Variants in CLMP observed in about 807,000 individuals in gnomAD.
CLMP encodes CXADR-like membrane protein.
In CLMP, 27 loss-of-function variants were observed where a neutral mutation model predicts 45.2. That is an observed-to-expected ratio of 0.60 (90% CI 0.44 to 0.82). The LOEUF (loss-of-function observed/expected upper bound fraction) is 0.82. Among genes scored for constraint, CLMP ranks in the 40% least tolerant of loss-of-function variants. The pLI is 0.00. For missense variants in CLMP, 403 were observed against 448.4 expected (o/e 0.90, Z 0.91); for synonymous variants, 167 against 171.4 (o/e 0.97, Z 0.20).
chr11:123,171,595 C>A (rs1475742893), intron 1 of CLMP, among the ~76,000 whole-genome samples: 2 of 151,978 alleles, frequency 1.3e-5, no homozygotes, highest in Non-Finnish European at 2.9e-5. Flanking sequence ...CAGGTGCGTG[C>A]CAACACAGCC....
chr11:123,160,336 A>G (rs991784321), intron 1 of CLMP, among the ~76,000 whole-genome samples: 2 of 151,746 alleles, frequency 1.3e-5, no homozygotes, highest in Non-Finnish European at 2.9e-5. Flanking sequence ...CAATAATCCA[A>G]TTATACCCTG....
intron 1 of CLMP, among the ~76,000 whole-genome samples, chr11:123,147,219 C>A (rs199675010): frequency 6.6e-6 from 1 of 152,090 alleles, no homozygotes; most frequent in African/African-American, 2.4e-5. Context: ...AACCTCATCT[C>A]GTGTAGCTGT....
chr11:123,140,837 T>C (rs1861144529), intron 1 of CLMP, among the ~76,000 whole-genome samples: 1 of 149,590 alleles, frequency 6.7e-6, no homozygotes, highest in African/African-American at 2.5e-5. Flanking sequence ...TGCTGAAATA[T>C]GACCTCTAAT....
intron 1 of CLMP, among the ~76,000 whole-genome samples, chr11:123,160,085 C>T (rs1861465020): frequency 2.0e-5 from 3 of 151,858 alleles, no homozygotes; most frequent in Admixed American, 2.0e-4. Context: ...TTGAGGCCAG[C>T]CTGGTCAACA....
intron 1 of CLMP, among the ~76,000 whole-genome samples, chr11:123,154,576 C>T (rs1441477704): frequency 6.6e-6 from 1 of 152,064 alleles, no homozygotes; most frequent in African/African-American, 2.4e-5. Context: ...TAAGAGATAT[C>T]ATGACACGGC....
intron 1 of CLMP, chr11:123,188,733 A>G (rs1458890765): frequency 6.6e-6 from 1 of 152,168 alleles, no homozygotes; most frequent in Non-Finnish European, 1.5e-5. Flanking sequence ...TGCTGCTAAC[A>G]AAATAAAGGT....
intron 1 of CLMP, among the ~76,000 whole-genome samples, chr11:123,142,926 G>A (rs1021469623): frequency 3.3e-5 from 5 of 152,136 alleles, no homozygotes; most frequent in African/African-American, 9.7e-5. Flanking sequence ...GCGCCCGGCC[G>A]ATGAGGTTTC....
chr11:123,115,193 C>T (rs557545353), intron 1 of CLMP, among the ~76,000 whole-genome samples: 1 of 151,706 alleles, frequency 6.6e-6, no homozygotes, highest in African/African-American at 2.4e-5. Context: ...AAGTGTGCAC[C>T]AGCACACCTG....
chr11:123,090,093 GA>G lies in CLMP; in HGVS notation c.187-5381del, dbSNP rs57683487. ...AACAAGAGTGAAACTCTGTCTCAAAGAAAAAAAAAAAAATTTCTTATCATTT... is the reference window on the plus strand; with the variant it reads ...AACAAGAGTGAAACTCTGTCTCAAAGAAAAAAAAAAAATTTCTTATCATTT... On this transcript the variant is annotated intron_variant, in intron 2 of 6. Transcript: ENST00000448775. Among the ~76,000 whole-genome samples, 667 of 138,894 alleles carry G rather than the reference GA, an allele frequency of 4.8e-3. 5 individuals are homozygous for G. Among genetic ancestry groups the G allele is most frequent in the African/African-American group, 0.012 (462 of 38,210 alleles). 91.1% of individuals were successfully genotyped at this position (138,894 alleles called of 152,430 possible). A position where few individuals can be genotyped will look rare whatever the true frequency, so the allele number is the denominator to read the frequency against.
intron 1 of CLMP, among the ~76,000 whole-genome samples, chr11:123,148,824 C>T (rs372070430): frequency 8.5e-5 from 13 of 152,330 alleles, no homozygotes; most frequent in African/African-American, 3.1e-4. Flanking sequence ...AGCAAGACTT[C>T]TTCTCCAACT....
intron 1 of CLMP, among the ~76,000 whole-genome samples, chr11:123,181,771 A>C (rs575806023): frequency 1.7e-4 from 26 of 152,324 alleles, no homozygotes; most frequent in Admixed American, 1.7e-3. Flanking sequence ...CTAGGTCAGA[A>C]ACATTTCACC....
At position 123,141,167 on chromosome 11, in the gene CLMP, G is replaced by A. The variant is rs4448701; in HGVS notation, c.29-43215C>T. On this transcript the variant is annotated intron_variant, in intron 1 of 6. Coordinates refer to ENST00000448775, the MANE Select transcript of CLMP (RefSeq NM_024769.5). ...TTCTTTGTACATTATCCAATCTCAG[G>A]CATTCCTTTTTTTTTTTTTTTTTTT... Among the ~76,000 whole-genome samples, 467 of 136,432 alleles carry A rather than the reference G, an allele frequency of 3.4e-3. 3 individuals are homozygous for A. In the Middle Eastern group the frequency reaches 0.039, roughly 11 times the overall value. The allele number at this position is 136,432 out of a possible 152,430, so 89.5% of individuals were successfully genotyped here.
intron 1 of CLMP, among the ~76,000 whole-genome samples, chr11:123,184,145 A>G (rs1424697528): frequency 6.6e-6 from 1 of 152,136 alleles, no homozygotes; most frequent in Non-Finnish European, 1.5e-5. Context: ...CCCAGGCTGG[A>G]GTGCAGTGGT....
chr11:123,083,960 A>T, intron 3 of CLMP, 113 bp from the exon 4 acceptor site: 1 of 1,227,462 alleles, frequency 8.1e-7, no homozygotes. Context: ...TGTTTTGGTC[A>T]ACTTTTGAGT....
chr11:123,087,483 T>G (rs1323758544), intron 2 of CLMP, among the ~76,000 whole-genome samples: 6 of 151,980 alleles, frequency 3.9e-5, no homozygotes, highest in African/African-American at 1.4e-4. Context: ...CACTCCAGCC[T>G]GGGCAACATA....
chr11:123,110,773 G>A lies in CLMP; in HGVS notation c.29-12821C>T, dbSNP rs568688639. 3.3e-5 allele frequency among the ~76,000 whole-genome samples: 5 copies of A among 152,274 alleles called. No homozygotes were observed. The South Asian group carries it at 1.0e-3, about 32-fold the overall frequency. On this transcript the variant is annotated intron_variant, in intron 1 of 6. Coordinates refer to ENST00000448775, the MANE Select transcript of CLMP (RefSeq NM_024769.5). ...TGGGGAAAAGGAGTGAGGGAAAAGG[G>A]AGAAGTTGAGGGAAAGGAAGGAAAG...
At chr11:123,157,093 A>G (rs1269700379) in intron 1 of CLMP, among the ~76,000 whole-genome samples, 1 of 152,224 alleles carries the variant, frequency 6.6e-6, no homozygotes, top group African/African-American at 2.4e-5. Context: ...ACTCAGAGGC[A>G]CTTGGAGAGG....
chr11:123,194,997 C>G lies in CLMP; in HGVS notation c.-57G>C, dbSNP rs1861961765. 6.4e-7 allele frequency: 1 copy of G among 1,570,028 alleles called. No homozygotes were observed. Among genetic ancestry groups the G allele is most frequent in the Non-Finnish European group, 8.6e-7 (1 of 1,156,562 alleles). On this transcript the variant is annotated 5_prime_UTR_variant, in exon 1 of 7. Coordinates refer to ENST00000448775, the MANE Select transcript of CLMP (RefSeq NM_024769.5). ...CAGCTGCTGCTTGGCTCCGGGGCGG[C>G]CGGGCGCCTCCGACGGACCTCGGGC...
At chr11:123,125,519 T>G in intron 1 of CLMP, among the ~76,000 whole-genome samples, 1 of 79,350 alleles carries the variant, frequency 1.3e-5, no homozygotes, top group African/African-American at 4.7e-5. Context: ...TTCCCTTCCC[T>G]TCCCTTCCCT....
Sources: allele counts gnomAD v4.1 joint callset (sites outside exome capture counted in the v4.1 genomes callset), GRCh38; gene constraint gnomAD v4.1.1; transcripts MANE v1.5; gene names NCBI Gene and HGNC (gene_info 2026-07-23, HGNC 2026-07-21).